Variants in SEPTIN9 observed in about 807,000 individuals in gnomAD.
SEPTIN9 encodes the protein septin-9.
A neutral mutation model predicts 56.6 loss-of-function variants in SEPTIN9; 13 were observed. The observed-to-expected ratio is 0.23, with a 90% CI of 0.15 to 0.37. SEPTIN9 has a LOEUF of 0.37. Ranked by LOEUF, SEPTIN9 falls within the 10% of genes least tolerant of loss-of-function variation. SEPTIN9 has a pLI of 1.00. For missense variants in SEPTIN9, 650 were observed against 823.1 expected (o/e 0.79, Z 2.57); for synonymous variants, 332 against 334.1 (o/e 0.99, Z 0.07).
At chr17:77,309,105 C>T (rs1411697739) in intron 2 of SEPTIN9, among the ~76,000 whole-genome samples, 1 of 152,234 alleles carries the variant, frequency 6.6e-6, no homozygotes, top group Non-Finnish European at 1.5e-5. Flanking sequence ...CTCTCATTGG[C>T]CAGCTTCTGG....
rs2036691251 is a variant in SEPTIN9 at position 77,421,236 on chromosome 17, G to A, written c.721+18533G>A. On this transcript the variant is annotated intron_variant, in intron 3 of 11. Coordinates refer to ENST00000427177, the MANE Select transcript of SEPTIN9 (RefSeq NM_001113491.2). This position sits in a 1 kb window ranked among gnomAD's most constrained non-coding sequence, Gnocchi z 4.6. Reference sequence around the variant, plus strand: ...TGAAAGAAAACCCCAGTTAGAAGGTGTCCCCCTCTTCCTTCAGTCCCTCAG... The same window carrying A: ...TGAAAGAAAACCCCAGTTAGAAGGTATCCCCCTCTTCCTTCAGTCCCTCAG... 1.3e-5 allele frequency among the ~76,000 whole-genome samples: 2 copies of A among 152,214 alleles called. No individual in the cohort carries two copies. The highest frequency in any genetic ancestry group is 1.3e-4 in the Admixed American group (2 of 15,284).
chr17:77,475,649 C>T lies in SEPTIN9; in HGVS notation c.722-6495C>T, dbSNP rs766605516. On this transcript the variant is annotated intron_variant, in intron 3 of 11. Transcript: ENST00000427177. The surrounding 1 kb of genome is among the most constrained non-coding windows in gnomAD (Gnocchi z 4.6). ...GAGGCTGCTCCAGTGTGCATTGTTA[C>T]GAGGCAAAGTAAGGAGACTGCTGGG... is the stretch of plus-strand genomic sequence containing the variant. 12 of 1,613,668 alleles carry T rather than the reference C, an allele frequency of 7.4e-6. No homozygotes were observed. The highest frequency in any genetic ancestry group is 6.7e-5 in the Admixed American group (4 of 59,996).
chr17:77,283,183 A>T (rs569256578), intron 1 of SEPTIN9, among the ~76,000 whole-genome samples: 1 of 151,176 alleles, frequency 6.6e-6, no homozygotes, highest in Admixed American at 6.6e-5. Flanking sequence ...TTTTTTAAAA[A>T]AAAGGACAGA....
intron 2 of SEPTIN9, among the ~76,000 whole-genome samples, chr17:77,309,081 C>T (rs916948931): frequency 6.6e-6 from 1 of 152,246 alleles, no homozygotes; most frequent in Non-Finnish European, 1.5e-5. Flanking sequence ...TGATCTGCCT[C>T]TCCATCTCCT....
chr17:77,458,395 G>A (rs2144476219), intron 3 of SEPTIN9, among the ~76,000 whole-genome samples: 1 of 152,374 alleles, frequency 6.6e-6, no homozygotes, highest in African/African-American at 2.4e-5. Context: ...GCTCAGTGGA[G>A]ACTCACTGGC....
intron 2 of SEPTIN9, among the ~76,000 whole-genome samples, chr17:77,345,526 T>C (rs2033863546): frequency 1.3e-5 from 2 of 152,012 alleles, no homozygotes; most frequent in African/African-American, 4.8e-5. Flanking sequence ...AGAGTGGATC[T>C]GCAGGATCAG....
chr17:77,458,604 G>A (rs1200155339), intron 3 of SEPTIN9, among the ~76,000 whole-genome samples: 1 of 152,188 alleles, frequency 6.6e-6, no homozygotes, highest in African/African-American at 2.4e-5. Flanking sequence ...AGGACAAACG[G>A]GGATGAAACT....
intron 3 of SEPTIN9, among the ~76,000 whole-genome samples, chr17:77,413,139 T>G (rs562646687): frequency 3.4e-4 from 52 of 151,814 alleles, no homozygotes; most frequent in African/African-American, 1.2e-3. Flanking sequence ...TTATCAGTTT[T>G]GGTGTCTGCA....
rs2034719015 is a variant in SEPTIN9 at position 77,371,527 on chromosome 17, C to G, written c.77-30532C>G. Among the ~76,000 whole-genome samples, 1 of 152,196 alleles carries G rather than the reference C, an allele frequency of 6.6e-6. No homozygotes were observed. Among genetic ancestry groups the G allele is most frequent in the African/African-American group, 2.4e-5 (1 of 41,458 alleles). On this transcript the variant is annotated intron_variant, in intron 2 of 11. Transcript: ENST00000427177. This position sits in a 1 kb window ranked among gnomAD's most constrained non-coding sequence, Gnocchi z 4.1. Reference sequence around the variant, plus strand: ...CTTAGGATGGCTGTTGTGCCGGACCCGGCATCTTCCCAGGGGGGCTGTGTT... The same window carrying G: ...CTTAGGATGGCTGTTGTGCCGGACCGGGCATCTTCCCAGGGGGGCTGTGTT...
intron 2 of SEPTIN9, among the ~76,000 whole-genome samples, chr17:77,355,809 C>T (rs1166218707): frequency 4.0e-5 from 6 of 151,494 alleles, no homozygotes; most frequent in South Asian, 2.1e-4. Context: ...GGTGAAACCC[C>T]GTCTCTACTA....
In SEPTIN9 at chr17:77,347,216, A is replaced by G. The variant is rs182293508; in HGVS notation, c.76+40019A>G. 3.3e-3 allele frequency among the ~76,000 whole-genome samples: 501 copies of G among 152,142 alleles called. 5 individuals carry two copies. Among genetic ancestry groups the G allele is most frequent in the African/African-American group, 0.011 (472 of 41,498 alleles). On this transcript the variant is annotated intron_variant, in intron 2 of 11. Transcript: ENST00000427177. Reference sequence around the variant, plus strand: ...AACATGGTGAAACCTTGTCTCTACTAAAAATACAAAAATTAGCTGGGCGTG... The same window carrying G: ...AACATGGTGAAACCTTGTCTCTACTGAAAATACAAAAATTAGCTGGGCGTG...
At chr17:77,484,459 GATT>G (rs1207389113) in intron 4 of SEPTIN9, among the ~76,000 whole-genome samples, 1 of 147,242 alleles carries the variant, frequency 6.8e-6, no homozygotes, top group Admixed American at 6.7e-5. Flanking sequence ...TGGTGGTGGT[GATT>G]GTGGTGGTGG....
Position 77,441,555 on chromosome 17 carries a change from A to G in SEPTIN9, c.721+38852A>G, listed in dbSNP as rs1340853966. ...GAGCAACAGCCTGTCAAGCACCCAT[A>G]CAGCAGGTGGTTTCATTGCCCTCCA... On this transcript the variant is annotated intron_variant, in intron 3 of 11. Coordinates refer to ENST00000427177, the MANE Select transcript of SEPTIN9 (RefSeq NM_001113491.2). 3.9e-5 allele frequency among the ~76,000 whole-genome samples: 6 copies of G among 152,248 alleles called. No individual in the cohort carries two copies. The South Asian group carries it at 8.3e-4, about 21-fold the overall frequency.
Position 77,330,690 on chromosome 17 carries a change from C to G in SEPTIN9, c.76+23493C>G, listed in dbSNP as rs2033314196. On this transcript the variant is annotated intron_variant, in intron 2 of 11. Coordinates refer to ENST00000427177, the MANE Select transcript of SEPTIN9 (RefSeq NM_001113491.2). The surrounding 1 kb of genome is among the most constrained non-coding windows in gnomAD (Gnocchi z 4.4). Reference sequence around the variant, plus strand: ...CTGCTGTCAGGAGCCTCGCTTGCCTCTCAGAGAGCACATGGCTTGACCATC... The same window carrying G: ...CTGCTGTCAGGAGCCTCGCTTGCCTGTCAGAGAGCACATGGCTTGACCATC... 6.6e-6 allele frequency among the ~76,000 whole-genome samples: 1 copy of G among 152,236 alleles called. No individual in the cohort carries two copies. The highest frequency in any genetic ancestry group is 6.5e-5 in the Admixed American group (1 of 15,288).
intron 2 of SEPTIN9, among the ~76,000 whole-genome samples, chr17:77,346,837 G>A (rs1047082653): frequency 6.6e-6 from 1 of 152,094 alleles, no homozygotes; most frequent in Non-Finnish European, 1.5e-5. Context: ...TGGGAATTGG[G>A]GCATCAGGGA....
chr17:77,433,518 CCCCAGCCACGTTCCCA>C lies in SEPTIN9; in HGVS notation c.721+30820_721+30835del, dbSNP rs1397297897. Among the ~76,000 whole-genome samples the C allele has an allele frequency of 6.6e-6, 1 of 152,128 alleles. No homozygotes were observed. Among genetic ancestry groups the C allele is most frequent in the Admixed American group, 6.5e-5 (1 of 15,280 alleles). ...CCTGTGACGGCCAAAAGGGATGGCGCCCCAGCCACGTTCCCACCCACCCCGAGGCCCAGCATGGCCA... is the reference window on the plus strand; with the variant it reads ...CCTGTGACGGCCAAAAGGGATGGCGCCCCACCCCGAGGCCCAGCATGGCCA... On this transcript the variant is annotated intron_variant, in intron 3 of 11. Transcript: ENST00000427177. This position sits in a 1 kb window ranked among gnomAD's most constrained non-coding sequence, Gnocchi z 6.4.
chr17:77,285,846 G>T lies in SEPTIN9; in HGVS notation c.19+4292G>T, dbSNP rs1375873637. ...AGCAGCTTCTGCCGTGATTCAGTGTGCTGGCTCGCCGTGGTGGACAGGGCT... is the reference window on the plus strand; with the variant it reads ...AGCAGCTTCTGCCGTGATTCAGTGTTCTGGCTCGCCGTGGTGGACAGGGCT... On this transcript the variant is annotated intron_variant, in intron 1 of 11. Coordinates refer to ENST00000427177, the MANE Select transcript of SEPTIN9 (RefSeq NM_001113491.2). 2.0e-5 allele frequency among the ~76,000 whole-genome samples: 3 copies of T among 152,246 alleles called. No individual in the cohort carries two copies. In the East Asian group the frequency reaches 5.8e-4, roughly 29 times the overall value.
rs773326268 is a variant in SEPTIN9, at chr17:77,313,112, C to T, written c.76+5915C>T. ...GACACCCGCTCTCGGGGGAGTCTTC[C>T]GTTGGCTGCAGAGAAGCTTAAACTC... is the stretch of plus-strand genomic sequence containing the variant. On this transcript the variant is annotated intron_variant, in intron 2 of 11. Transcript: ENST00000427177. This position sits in a 1 kb window ranked among gnomAD's most constrained non-coding sequence, Gnocchi z 4.5. Among the ~76,000 whole-genome samples the T allele has an allele frequency of 1.3e-5, 2 of 152,184 alleles. No homozygotes were observed. Among genetic ancestry groups the T allele is most frequent in the East Asian group, 1.9e-4 (1 of 5,194 alleles).
In SEPTIN9 at chr17:77,495,031, CTT is replaced by C. The variant is rs200261013; in HGVS notation, c.1573+1959_1573+1960del. Among the ~76,000 whole-genome samples the C allele has an allele frequency of 8.2e-4, 125 of 152,338 alleles. No homozygotes were observed. In the East Asian group the frequency reaches 0.022, roughly 26 times the overall value. On this transcript the variant is annotated intron_variant, in intron 10 of 11. Transcript: ENST00000427177. ...CAAAGAGTTCTTGCTGTTTAGGAAA[CTT>C]TTTATGAAAGGCAGGTTTGGGAGAG...
Sources: gnomAD v4.1 joint callset for allele counts (sites outside exome capture counted in the v4.1 genomes callset) on GRCh38, gnomAD v4.1.1 for gene constraint, Gnocchi (gnomAD v3.1) non-coding constraint, MANE v1.5 for transcripts, NCBI Gene and HGNC (gene_info 2026-07-23, HGNC 2026-07-21) for gene names.